DPH7: variants seen among roughly 807,000 people sequenced by gnomAD.
The protein encoded by DPH7 is diphthamide biosynthesis 7, also known as diphthine methyltransferase.
DPH7 carries 44 observed loss-of-function variants against 41.7 expected under a neutral mutation model. That is an observed-to-expected ratio of 1.05 (90% confidence interval 0.83 to 1.36). The LOEUF is 1.36. Among genes scored for constraint, DPH7 ranks in the 40% most tolerant of loss-of-function variants. The probability of loss-of-function intolerance (pLI) is 0.00; values close to 1 mark genes in which losing one functional copy is unlikely to be tolerated. For missense variants in DPH7, 629 were observed against 577.5 expected, an observed-to-expected ratio of 1.09 and a Z score of -0.91; for synonymous variants, 275 against 238.0, an observed-to-expected ratio of 1.16 and a Z score of -1.43.
intron 8 of DPH7, among the ~76,000 whole-genome samples, chr9:137,558,428 C>T (rs534467790): frequency 6.6e-6 from 1 of 152,246 alleles, no homozygotes; most frequent in East Asian, 1.9e-4. Flanking sequence ...TCACCATAGC[C>T]AAAAGGTGAA....
At chr9:137,565,296 C>A (rs1839448438) in intron 5 of DPH7, 142 bp from the exon 6 acceptor site, 4 of 509,810 alleles carry the variant, frequency 7.8e-6, no homozygotes, top group Non-Finnish European at 6.6e-6. Context: ...TGTGAGGAAG[C>A]TCCCCTGGGT....
intron 8 of DPH7, among the ~76,000 whole-genome samples, chr9:137,561,132 T>C (rs1240425758): frequency 2.6e-5 from 4 of 152,116 alleles, no homozygotes; most frequent in Non-Finnish European, 5.9e-5. Context: ...AAGGGAGTTA[T>C]TGACACAGGT....
At position 137,564,750 on chromosome 9, in the gene DPH7, C is replaced by T. The variant is rs1208311072; in HGVS notation, c.776+143G>A. On this transcript the variant is annotated intron_variant, in intron 7 of 8. Coordinates refer to ENST00000277540, the MANE Select transcript of DPH7 (RefSeq NM_138778.5). ...AAGTCCCCTTTACCAAACCCATATA[C>T]CTACACTCCGGCGAAGCACTGGCAG... The T allele has an allele frequency of 4.9e-6, 7 of 1,427,100 alleles. No individual in the cohort carries two copies. In the Admixed American group the frequency reaches 5.7e-5, roughly 12 times the overall value. 88.4% of individuals were successfully genotyped at this position (1,427,100 alleles called of 1,614,324 possible). A position where few individuals can be genotyped will look rare whatever the true frequency, so the allele number is the denominator to read the frequency against.
intron 4 of DPH7, 89 bp from the exon 5 acceptor site, chr9:137,574,469 C>T (rs1007956333): frequency 2.1e-6 from 3 of 1,426,004 alleles, no homozygotes; most frequent in Middle Eastern, 2.5e-4. Flanking sequence ...AGACGGTCTC[C>T]ACAGCCCTGG....
chr9:137,564,971 G>A lies in DPH7; in HGVS notation c.711-13C>T, dbSNP rs756287725. 6.3e-7 allele frequency: 1 copy of A among 1,595,456 alleles called. No homozygotes were observed. The highest frequency in any genetic ancestry group is 8.5e-7 in the Non-Finnish European group (1 of 1,170,868). Reference sequence around the variant, plus strand: ...ACCCATGGTGTGTCTGCAAGCAGAGGCGGCTTCTGAACCAGTGTCCAGCAC... The same window carrying A: ...ACCCATGGTGTGTCTGCAAGCAGAGACGGCTTCTGAACCAGTGTCCAGCAC... On this transcript the variant is annotated splice_polypyrimidine_tract_variant and intron_variant, in intron 6 of 8. Coordinates refer to ENST00000277540, the MANE Select transcript of DPH7 (RefSeq NM_138778.5).
intron 8 of DPH7, among the ~76,000 whole-genome samples, 166 bp from the exon 9 acceptor site, chr9:137,555,814 T>A (rs1297391573): frequency 6.6e-6 from 1 of 152,144 alleles, no homozygotes; most frequent in African/African-American, 2.4e-5. Flanking sequence ...CCTGGGCATA[T>A]GTTGGAGAAG....
chr9:137,575,475 G>T lies in DPH7; in HGVS notation c.375+605C>A, dbSNP rs199986927. ...TGCTCTTTCCCTCCTTTCTAAGACA[G>T]GGCAACTGCTCTAAGCTGCCTTAAG... On this transcript the variant is annotated intron_variant, in intron 3 of 8. Coordinates refer to ENST00000277540, the MANE Select transcript of DPH7 (RefSeq NM_138778.5). 53 of 988,862 alleles carry T rather than the reference G, an allele frequency of 5.4e-5. No individual in the cohort carries two copies. In the Admixed American group the frequency reaches 7.0e-4, roughly 13 times the overall value. 61.3% of individuals were successfully genotyped at this position (988,862 alleles called of 1,614,324 possible).
At chr9:137,565,301 C>G (rs1588866451) in intron 5 of DPH7, 147 bp from the exon 6 acceptor site, 1 of 399,830 alleles carries the variant, frequency 2.5e-6, no homozygotes, top group South Asian at 2.4e-5. Context: ...GGAAGCTCCC[C>G]TGGGTGACTG....
At chr9:137,577,663 G>A (rs932825576) in intron 1 of DPH7, 60 bp from the exon 2 acceptor site, 2 of 1,584,268 alleles carry the variant, frequency 1.3e-6, no homozygotes, top group South Asian at 1.1e-5. Flanking sequence ...CCCAAAGGAT[G>A]GGAAAAGGGA....
intron 5 of DPH7, chr9:137,565,503 C>A (rs1249036544): frequency 1.5e-5 from 1 of 66,654 alleles, no homozygotes; most frequent in Non-Finnish European, 2.9e-5. Context: ...GGAAGCTCCC[C>A]GGGGTGACTC....
chr9:137,576,673 G>A (rs1172858842), intron 2 of DPH7, among the ~76,000 whole-genome samples: 4 of 152,172 alleles, frequency 2.6e-5, no homozygotes, highest in East Asian at 1.9e-4. Context: ...GGTGGATCAC[G>A]AGGTCAGGAG....
chr9:137,559,947 CAG>C (rs1362777046), intron 8 of DPH7, among the ~76,000 whole-genome samples: 1 of 152,218 alleles, frequency 6.6e-6, no homozygotes, highest in Non-Finnish European at 1.5e-5. Context: ...TCGCCGCACA[CAG>C]GGAGAAGCCC....
intron 5 of DPH7, among the ~76,000 whole-genome samples, chr9:137,570,731 T>C (rs1347251096): frequency 6.6e-6 from 1 of 152,190 alleles, no homozygotes; most frequent in African/African-American, 2.4e-5. Flanking sequence ...CAGGTCATCC[T>C]AACCATGCTG....
At chr9:137,575,806 C>T in intron 3 of DPH7, 1 of 1,250,574 alleles carries the variant, frequency 8.0e-7, no homozygotes, top group Non-Finnish European at 1.0e-6. Context: ...TGCCCAGGCT[C>T]TCCTTAGAGA....
At position 137,565,154 on chromosome 9, in the gene DPH7, C is replaced by G. The variant is rs749934592; in HGVS notation, c.641G>C (p.Gly214Ala). 2.5e-6 allele frequency: 4 copies of G among 1,613,882 alleles called. No homozygotes were observed. The East Asian group carries it at 6.7e-5, about 27-fold the overall frequency. ...GCCCCTCAGAAGGCCATCGTCGCCC[C>G]CTGTGTGGAGAAAGAGAAGCATCAA... is the stretch of plus-strand genomic sequence containing the variant. ...NYWHPEIVYS[G>A]GDDGLLRGWD... is the part of the protein sequence containing the mutation. Residue 214 changes from glycine to alanine, a missense_variant and splice_region_variant, in exon 6 of 9, where the codon GGG becomes GCG. Gly to Ala is a moderately conservative substitution (Grantham distance 60). Coordinates refer to ENST00000277540, the MANE Select transcript of DPH7 (RefSeq NM_138778.5).
Position 137,555,138 on chromosome 9 carries a change from C to T in DPH7, c.*101G>A. The T allele has an allele frequency of 7.1e-7, 1 of 1,417,576 alleles. No homozygotes were observed. The highest frequency in any genetic ancestry group is 9.4e-7 in the Non-Finnish European group (1 of 1,063,138). The allele number at this position is 1,417,576 out of a possible 1,614,324, so 87.8% of individuals were successfully genotyped here. A position where few individuals can be genotyped will look rare whatever the true frequency, so the allele number is the denominator to read the frequency against. ...GTGGATTCCATCAGTGCACAGGCACCTGCAGGGCTGCAGTAAGCATCTCTG... is the reference window on the plus strand; with the variant it reads ...GTGGATTCCATCAGTGCACAGGCACTTGCAGGGCTGCAGTAAGCATCTCTG... On this transcript the variant is annotated 3_prime_UTR_variant, in exon 9 of 9. Coordinates refer to ENST00000277540, the MANE Select transcript of DPH7 (RefSeq NM_138778.5).
chr9:137,556,976 A>G lies in DPH7; in HGVS notation c.950-1328T>C. 1.3e-5 allele frequency: 6 copies of G among 450,126 alleles called. No individual in the cohort carries two copies. The highest frequency in any genetic ancestry group is 9.4e-5 in the South Asian group (6 of 63,888). The allele number at this position is 450,126 out of a possible 1,614,324, so 27.9% of individuals were successfully genotyped here. On this transcript the variant is annotated intron_variant, in intron 8 of 8. Transcript: ENST00000277540. The surrounding 1 kb of genome is among the most constrained non-coding windows in gnomAD (Gnocchi z 5.2). ...CGTTTCCTCCCTCTTTTTATTTTCAAGACAGGACCTCACTCTGTCGCATAG... is the reference window on the plus strand; with the variant it reads ...CGTTTCCTCCCTCTTTTTATTTTCAGGACAGGACCTCACTCTGTCGCATAG...
intron 5 of DPH7, among the ~76,000 whole-genome samples, chr9:137,572,272 G>T (rs1211961551): frequency 6.6e-6 from 1 of 152,224 alleles, no homozygotes; most frequent in Non-Finnish European, 1.5e-5. Flanking sequence ...AGGGAATGTG[G>T]ACTATTTCAG....
chr9:137,558,903 G>A (rs7858572), intron 8 of DPH7, among the ~76,000 whole-genome samples: 32,287 of 151,856 alleles, frequency 0.21, 3,698 homozygotes, highest in Admixed American at 0.34. Context: ...TGATCCGCCC[G>A]CCTCAGCCTC....
Sources: allele counts gnomAD v4.1 joint callset (sites outside exome capture counted in the v4.1 genomes callset), GRCh38; gene constraint gnomAD v4.1.1; non-coding constraint Gnocchi (gnomAD v3.1); transcripts MANE v1.5; gene names NCBI Gene and HGNC (gene_info 2026-07-23, HGNC 2026-07-21).